Variants in FER observed in about 807,000 individuals in gnomAD.
FER encodes the protein tyrosine-protein kinase Fer.
FER carries 63 observed loss-of-function variants against 111.0 expected under a neutral mutation model. The observed-to-expected ratio is 0.57, with a 90% CI of 0.46 to 0.70. The LOEUF (loss-of-function observed/expected upper bound fraction) is 0.70. Ranked by LOEUF, FER falls within the 30% of genes least tolerant of loss-of-function variation. The probability of loss-of-function intolerance (pLI) is 0.00; values close to 1 mark genes in which losing one functional copy is unlikely to be tolerated. For missense variants in FER, 914 were observed against 954.0 expected (o/e 0.96, Z 0.55); for synonymous variants, 327 against 313.9 (o/e 1.04, Z -0.44).
At chr5:109,017,940 A>G (rs1174427785) in intron 13 of FER, among the ~76,000 whole-genome samples, 2 of 151,928 alleles carry the variant, frequency 1.3e-5, no homozygotes, top group African/African-American at 4.8e-5. Flanking sequence ...CTTCTATAGT[A>G]ACAAACCCTT....
intron 17 of FER, among the ~76,000 whole-genome samples, chr5:109,167,705 A>C (rs539233442): frequency 6.6e-6 from 1 of 152,170 alleles, no homozygotes; most frequent in Non-Finnish European, 1.5e-5. Flanking sequence ...AATGAATGCA[A>C]CTATATTGCT....
intron 10 of FER, among the ~76,000 whole-genome samples, chr5:108,923,067 G>C (rs1188355904): frequency 6.6e-6 from 1 of 152,090 alleles, no homozygotes; most frequent in Non-Finnish European, 1.5e-5. Context: ...ACTAGGGTTT[G>C]TAACAGAAAC....
chr5:109,073,585 G>A (rs1436073597), intron 16 of FER, among the ~76,000 whole-genome samples: 1 of 152,106 alleles, frequency 6.6e-6, no homozygotes, highest in Non-Finnish European at 1.5e-5. Context: ...GTATAGTAAA[G>A]AGTTTGTGAA....
intron 13 of FER, among the ~76,000 whole-genome samples, chr5:108,993,770 CT>C (rs1268723260): frequency 2.6e-5 from 4 of 152,336 alleles, no homozygotes; most frequent in African/African-American, 9.6e-5. Context: ...ATCCCTGTTT[CT>C]CCATAGCCTT....
intron 17 of FER, among the ~76,000 whole-genome samples, chr5:109,126,921 G>A (rs1371118495): frequency 2.0e-5 from 3 of 152,276 alleles, no homozygotes; most frequent in South Asian, 2.1e-4. Context: ...GGGAGTTAGC[G>A]ATGTGAAGAT....
chr5:108,786,189 C>T (rs1000108871), intron 2 of FER, among the ~76,000 whole-genome samples: 12 of 152,222 alleles, frequency 7.9e-5, no homozygotes, highest in African/African-American at 2.9e-4. Context: ...TTCACCAGTT[C>T]ATCATAGAGT....
chr5:109,080,722 T>C (rs1776890925), intron 16 of FER, among the ~76,000 whole-genome samples: 1 of 152,126 alleles, frequency 6.6e-6, no homozygotes, highest in Non-Finnish European at 1.5e-5. Flanking sequence ...AGGAAAAAGA[T>C]TGTACATTGT....
intron 17 of FER, among the ~76,000 whole-genome samples, chr5:109,124,121 A>T (rs1206974961): frequency 6.6e-6 from 1 of 152,072 alleles, no homozygotes; most frequent in Non-Finnish European, 1.5e-5. Context: ...CCCAGCTACA[A>T]AAGGCTGAGG....
intron 8 of FER, among the ~76,000 whole-genome samples, chr5:108,879,154 T>C (rs1045889055): frequency 6.6e-6 from 1 of 152,112 alleles, no homozygotes; most frequent in African/African-American, 2.4e-5. Flanking sequence ...GGTCATTTTA[T>C]GACTTTTAAC....
chr5:109,105,977 G>A (rs757099158), intron 17 of FER, among the ~76,000 whole-genome samples: 15 of 152,172 alleles, frequency 9.9e-5, no homozygotes, highest in Non-Finnish European at 1.5e-4. Context: ...TACACATGAG[G>A]AAACTCACAG....
At chr5:109,034,800 T>C (rs796243180) in intron 13 of FER, among the ~76,000 whole-genome samples, 10 of 152,234 alleles carry the variant, frequency 6.6e-5, no homozygotes, top group African/African-American at 2.2e-4. Context: ...AAGAATCAGT[T>C]TGCAACTTTA....
intron 13 of FER, among the ~76,000 whole-genome samples, chr5:108,985,494 T>C (rs1762469768): frequency 6.6e-6 from 1 of 152,070 alleles, no homozygotes; most frequent in Admixed American, 6.6e-5. Flanking sequence ...ATGAGTAAGT[T>C]CTTTATGGAG....
intron 10 of FER, among the ~76,000 whole-genome samples, chr5:108,945,623 A>G (rs1458041625): frequency 6.7e-6 from 1 of 150,360 alleles, no homozygotes; most frequent in Admixed American, 6.7e-5. Flanking sequence ...CATCATCATC[A>G]TGTGAATCTT....
intron 9 of FER, among the ~76,000 whole-genome samples, chr5:108,897,402 A>T (rs1749304124): frequency 6.6e-6 from 1 of 152,228 alleles, no homozygotes; most frequent in African/African-American, 2.4e-5. Flanking sequence ...TAGCTAAAAT[A>T]AAATGAATGC....
intron 2 of FER, among the ~76,000 whole-genome samples, chr5:108,775,410 CAT>C (rs1279992775): frequency 2.6e-5 from 4 of 152,282 alleles, no homozygotes; most frequent in South Asian, 2.1e-4. Flanking sequence ...TTATCTGTCA[CAT>C]GATTCCCTAA....
At position 109,186,190 on chromosome 5, in the gene FER, CCTCTTCCAGGGAGATA is replaced by C; in HGVS notation, c.2204-8_2211del. 6.2e-7 allele frequency: 1 copy of C among 1,614,050 alleles called. No homozygotes were observed. The highest frequency in any genetic ancestry group is 8.5e-7 in the Non-Finnish European group (1 of 1,179,922). On this transcript the variant is annotated splice_acceptor_variant and splice_polypyrimidine_tract_variant and coding_sequence_variant and intron_variant, in exon 19 of 20. Coordinates refer to ENST00000281092, the MANE Select transcript of FER (RefSeq NM_005246.4). LOFTEE classifies it high-confidence loss of function. ...GCCTCATGTGGTTATGGTTGTTGTT[CCTCTTCCAGGGAGATA>C]CAGTTCAGAGAGTGACGTGTGGAGC...
At chr5:108,773,052 C>G (rs2149972890) in intron 2 of FER, among the ~76,000 whole-genome samples, 1 of 152,252 alleles carries the variant, frequency 6.6e-6, no homozygotes, top group East Asian at 1.9e-4. Context: ...TCTCTTTTAC[C>G]TTCTTTCCGT....
At chr5:108,802,547 C>T (rs73207529) in intron 3 of FER, among the ~76,000 whole-genome samples, 1 of 151,974 alleles carries the variant, frequency 6.6e-6, no homozygotes, top group African/African-American at 2.4e-5. Flanking sequence ...CCCATTGTTT[C>T]CATCTTTATA....
At chr5:109,152,324 A>T (rs1453255360) in intron 17 of FER, among the ~76,000 whole-genome samples, 1 of 151,962 alleles carries the variant, frequency 6.6e-6, no homozygotes, top group Non-Finnish European at 1.5e-5. Flanking sequence ...TCATATAGTT[A>T]TCTAATTTGT....
Sources: allele counts gnomAD v4.1 joint callset (sites outside exome capture counted in the v4.1 genomes callset), GRCh38; gene constraint gnomAD v4.1.1; transcripts MANE v1.5; gene names NCBI Gene and HGNC (gene_info 2026-07-23, HGNC 2026-07-21).